The following CRTAC1 variants were observed in gnomAD, a reference collection of about 807,000 sequenced individuals.
CRTAC1 encodes cartilage acidic protein 1.
CRTAC1 carries 37 observed loss-of-function variants against 67.8 expected under a neutral mutation model. That is an observed-to-expected ratio of 0.55 (90% confidence interval 0.42 to 0.72). The LOEUF is 0.72. Ranked by LOEUF, CRTAC1 falls within the 30% of genes least tolerant of loss-of-function variation. The pLI is 0.00. For synonymous variants in CRTAC1, 348 were observed against 371.0 expected, an observed-to-expected ratio of 0.94 and a Z score of 0.71; for missense variants, 780 against 931.6, an observed-to-expected ratio of 0.84 and a Z score of 2.12.
At chr10:97,932,754 G>C (rs750632068) in intron 3 of CRTAC1, among the ~76,000 whole-genome samples, 1 of 152,198 alleles carries the variant, frequency 6.6e-6, no homozygotes, top group Non-Finnish European at 1.5e-5. Context: ...TGCTGTAAGC[G>C]ATGGGAAGGG....
At position 97,875,198 on chromosome 10, in the gene CRTAC1, G is replaced by A. The variant is rs146133143; in HGVS notation, c.1819+5051C>T. On this transcript the variant is annotated intron_variant, in intron 14 of 14. Transcript: ENST00000370597. ...AGCTCTTGCCACTTTAGCTAGCTAT[G>A]TGACTTTGTGTAATTTACTGTTTCT... Among the ~76,000 whole-genome samples, 841 of 152,348 alleles carry A rather than the reference G, an allele frequency of 5.5e-3. 5 individuals carry two copies. Among genetic ancestry groups the A allele is most frequent in the Admixed American group, 7.8e-3 (120 of 15,306 alleles).
At chr10:97,942,483 G>A (rs1353589414) in intron 2 of CRTAC1, among the ~76,000 whole-genome samples, 10 of 152,118 alleles carry the variant, frequency 6.6e-5, no homozygotes. Context: ...GGGTGAGGAG[G>A]AGAGAAAACA....
rs1018551787 is a variant in CRTAC1 at position 97,962,290 on chromosome 10, G to A, written c.225-25924C>T. On this transcript the variant is annotated intron_variant, in intron 2 of 14. Transcript: ENST00000370597. ...GGATGAGATCACAGCCAACTACCTC[G>A]AAGTTTCTGATCCACAGAAAACAGG... Among the ~76,000 whole-genome samples, 4 of 145,878 alleles carry A rather than the reference G, an allele frequency of 2.7e-5. 1 individual carries two copies. The highest frequency in any genetic ancestry group is 6.0e-5 in the Non-Finnish European group (4 of 66,796).
At chr10:97,913,390 G>A (rs2050716920) in intron 5 of CRTAC1, among the ~76,000 whole-genome samples, 1 of 152,154 alleles carries the variant, frequency 6.6e-6, no homozygotes, top group African/African-American at 2.4e-5. Flanking sequence ...GGCAAGGGGT[G>A]GGGCAGCAGG....
At chr10:97,964,097 A>G (rs78799524) in intron 2 of CRTAC1, among the ~76,000 whole-genome samples, 2,036 of 152,230 alleles carry the variant, frequency 0.013, 58 homozygotes, top group African/African-American at 0.046. Context: ...TCCTACCTGG[A>G]GATCAGACAA....
chr10:97,933,649 G>C (rs1163534576), intron 3 of CRTAC1, among the ~76,000 whole-genome samples: 8 of 152,248 alleles, frequency 5.3e-5, no homozygotes, highest in African/African-American at 1.7e-4. Context: ...GTTGAGGATA[G>C]AGTGTGAACT....
chr10:97,893,876 C>T (rs964911774), intron 11 of CRTAC1, among the ~76,000 whole-genome samples: 3 of 152,294 alleles, frequency 2.0e-5, no homozygotes, highest in Admixed American at 2.0e-4. Context: ...AGCTTTTTCT[C>T]CCCTTTTCTC....
chr10:97,959,938 A>G lies in CRTAC1; in HGVS notation c.225-23572T>C, dbSNP rs2051499882. On this transcript the variant is annotated intron_variant, in intron 2 of 14. Transcript: ENST00000370597. ...ATGTGTGAAATGTTGTCTACCAGGA[A>G]GGCTCATTAGAGACTCAGTGCCCAG... is the stretch of plus-strand genomic sequence containing the variant. Among the ~76,000 whole-genome samples, 4 of 152,264 alleles carry G rather than the reference A, an allele frequency of 2.6e-5. No individual in the cohort carries two copies. In the South Asian group the frequency reaches 8.3e-4, roughly 31 times the overall value.
intron 1 of CRTAC1, among the ~76,000 whole-genome samples, chr10:98,015,650 TA>T (rs1485484611): frequency 6.6e-6 from 1 of 152,222 alleles, no homozygotes; most frequent in Non-Finnish European, 1.5e-5. Flanking sequence ...ATCAGATTTT[TA>T]AAAGCTCCCA....
chr10:98,016,444 T>C (rs1047769382), intron 1 of CRTAC1, among the ~76,000 whole-genome samples: 2 of 152,294 alleles, frequency 1.3e-5, no homozygotes, highest in Middle Eastern at 3.4e-3. Context: ...CAAAAGGCAA[T>C]GTGCTTACCA....
At chr10:97,950,272 G>GAGAGAT (rs2051333623) in intron 2 of CRTAC1, among the ~76,000 whole-genome samples, 2 of 151,672 alleles carry the variant, frequency 1.3e-5, no homozygotes, top group Admixed American at 6.6e-5. Context: ...GAGAGAGAGA[G>GAGAGAT]AGAGAGAGAG....
chr10:97,879,879 G>C, intron 14 of CRTAC1: 1 of 1,237,266 alleles, frequency 8.1e-7, no homozygotes, highest in East Asian at 2.6e-5. Flanking sequence ...GGTGGAGGAA[G>C]GAGTTTGGGA....
In CRTAC1 at chr10:97,865,602, A is replaced by G. The variant is rs748777328; in HGVS notation, c.1932T>C (p.Asp644=). ...CCACCGACCCCAGATTGAGATCTCC[A>G]TCTACGAGGACCGGTGCAGCAGTGG... ...GAATAAPVLV[D]GDLNLGSVVK... The change falls in exon 15 of 15, where the codon GAT becomes GAC. Residue 644 remains aspartate (D), a synonymous_variant. Coordinates refer to ENST00000370597, the MANE Select transcript of CRTAC1 (RefSeq NM_018058.7). The G allele has an allele frequency of 3.7e-6, 6 of 1,613,350 alleles. No individual in the cohort carries two copies. Among genetic ancestry groups the G allele is most frequent in the African/African-American group, 2.7e-5 (2 of 74,920 alleles).
At position 97,895,962 on chromosome 10, in the gene CRTAC1, C is replaced by T. The variant is rs747798625; in HGVS notation, c.1240G>A (p.Gly414Arg). 6.2e-5 allele frequency: 100 copies of T among 1,614,016 alleles called. No individual in the cohort carries two copies. Among genetic ancestry groups the T allele is most frequent in the Non-Finnish European group, 7.7e-5 (91 of 1,179,992 alleles). Residue 414 changes from glycine (G) to arginine (R), a missense_variant, in exon 10 of 15, where the codon GGA (glycine) becomes AGA (arginine). Transcript: ENST00000370597. The surrounding 1 kb of genome is among the most constrained non-coding windows in gnomAD (Gnocchi z 4.2). ...AAGATGAGGTCCAGCATCCCGTCTC[C>T]GTCGAAGTCGGTCACCACACCCCCT... ...GTGGVVTDFD[G>R]DGMLDLILSH... is the part of the protein sequence containing the mutation.
At chr10:97,904,555 G>T in intron 7 of CRTAC1, 114 bp downstream of exon 7, 1 of 995,594 alleles carries the variant, frequency 1.0e-6, no homozygotes, top group Non-Finnish European at 1.4e-6. Flanking sequence ...GAGTAGCTGG[G>T]ATTATAGGCA....
At chr10:97,996,545 C>G (rs1403703764) in intron 2 of CRTAC1, among the ~76,000 whole-genome samples, 1 of 152,150 alleles carries the variant, frequency 6.6e-6, no homozygotes, top group Non-Finnish European at 1.5e-5. Flanking sequence ...TACCATCTCA[C>G]ACCAGTTAGA....
chr10:97,871,626 T>C (rs1014531031), intron 14 of CRTAC1: 6 of 152,206 alleles, frequency 3.9e-5, no homozygotes, highest in South Asian at 2.1e-4. Flanking sequence ...TGAAATCTTA[T>C]TTTACAGATG....
At chr10:97,890,909 T>G (rs764761712) in intron 11 of CRTAC1, among the ~76,000 whole-genome samples, 3 of 152,074 alleles carry the variant, frequency 2.0e-5, no homozygotes, top group Non-Finnish European at 4.4e-5. Flanking sequence ...TCAGGTGATC[T>G]GCCCGCCTTG....
chr10:97,980,838 C>T (rs2051881503), intron 2 of CRTAC1, among the ~76,000 whole-genome samples: 1 of 152,230 alleles, frequency 6.6e-6, no homozygotes, highest in Non-Finnish European at 1.5e-5. Context: ...TTGTCACTGG[C>T]TCCCTTGCTA....
Sources: gnomAD v4.1 joint callset for allele counts (sites outside exome capture counted in the v4.1 genomes callset) on GRCh38, gnomAD v4.1.1 for gene constraint, Gnocchi (gnomAD v3.1) non-coding constraint, MANE v1.5 for transcripts, NCBI Gene and HGNC (gene_info 2026-07-23, HGNC 2026-07-21) for gene names.